Variants in IL1RAP observed in about 807,000 individuals in gnomAD.
IL1RAP encodes interleukin 1 receptor accessory protein, also known as interleukin-1 receptor accessory protein.
IL1RAP carries 35 observed loss-of-function variants against 60.7 expected under a neutral mutation model. That is an observed-to-expected ratio of 0.58 (90% CI 0.44 to 0.76). IL1RAP has a LOEUF of 0.76. Ranked by LOEUF, IL1RAP falls within the 30% of genes least tolerant of loss-of-function variation. The probability of loss-of-function intolerance (pLI) is 0.00; values close to 1 mark genes in which losing one functional copy is unlikely to be tolerated. For synonymous variants in IL1RAP, 268 were observed against 250.9 expected (o/e 1.07, Z -0.64); for missense variants, 572 against 693.9 (o/e 0.82, Z 1.97).
At chr3:190,583,458 G>A (rs1348518280) in intron 3 of IL1RAP, among the ~76,000 whole-genome samples, 1 of 152,202 alleles carries the variant, frequency 6.6e-6, no homozygotes, top group East Asian at 1.9e-4. Context: ...TTTTTACTGT[G>A]AGTGCAAACA....
At chr3:190,600,716 GA>G (rs1278540041) in intron 3 of IL1RAP, among the ~76,000 whole-genome samples, 2 of 152,186 alleles carry the variant, frequency 1.3e-5, no homozygotes, top group Non-Finnish European at 2.9e-5. Context: ...CAGAGGTGTG[GA>G]AATGTACAAT....
At chr3:190,647,209 G>A (rs1222440061) in intron 11 of IL1RAP, among the ~76,000 whole-genome samples, 1 of 152,060 alleles carries the variant, frequency 6.6e-6, no homozygotes, top group Non-Finnish European at 1.5e-5. Context: ...CCACTGCTTG[G>A]AACACACAAT....
At chr3:190,563,399 T>C (rs1354593564) in intron 2 of IL1RAP, 9 of 152,194 alleles carry the variant, frequency 5.9e-5, no homozygotes, top group Non-Finnish European at 2.9e-5. Context: ...TTCTGCATCA[T>C]CTTCAGGTTT....
rs544056204 is a variant in IL1RAP, at chr3:190,648,953, G to T, written c.*248G>T. 1.1e-5 allele frequency: 13 copies of T among 1,229,974 alleles called. No homozygotes were observed. In the Admixed American group the frequency reaches 3.2e-4, roughly 30 times the overall value. 76.2% of individuals were successfully genotyped at this position (1,229,974 alleles called of 1,614,324 possible). A position where few individuals can be genotyped will look rare whatever the true frequency, so the allele number is the denominator to read the frequency against. On this transcript the variant is annotated 3_prime_UTR_variant, in exon 12 of 12. Coordinates refer to ENST00000447382, the MANE Select transcript of IL1RAP (RefSeq NM_002182.4). The stretch of plus-strand genomic sequence containing the variant: ...CTATGTTCTTTGCAGGCAAAGACTT[G>T]TTCAATGCGAATTTCCCCTTCTACA...
At chr3:190,638,625 A>G (rs1008499371) in intron 9 of IL1RAP, among the ~76,000 whole-genome samples, 1 of 152,072 alleles carries the variant, frequency 6.6e-6, no homozygotes, top group Non-Finnish European at 1.5e-5. Context: ...GATGTAATTT[A>G]TTAACTTCTT....
intron 3 of IL1RAP, among the ~76,000 whole-genome samples, chr3:190,581,098 C>CT (rs1161172868): frequency 6.6e-6 from 1 of 152,076 alleles, no homozygotes; most frequent in Non-Finnish European, 1.5e-5. Flanking sequence ...CGAGTGTTTC[C>CT]TTTTTTGTTA....
Position 190,650,096 on chromosome 3 carries a change from G to C in IL1RAP, c.*1391G>C. On this transcript the variant is annotated 3_prime_UTR_variant, in exon 12 of 12. Transcript: ENST00000447382. ...ATATATAATTTGTGTGTGTGTATGT[G>C]TATGTATATGACTTTAAATAGCTAT... 1 of 875,192 alleles carries C rather than the reference G, an allele frequency of 1.1e-6. No homozygotes were observed. Among genetic ancestry groups the C allele is most frequent in the Non-Finnish European group, 1.4e-6 (1 of 730,448 alleles). The allele number at this position is 875,192 out of a possible 1,614,324, so 54.2% of individuals were successfully genotyped here.
chr3:190,603,980 G>T, intron 3 of IL1RAP, 148 bp from the exon 4 acceptor site: 1 of 699,796 alleles, frequency 1.4e-6, no homozygotes, highest in Non-Finnish European at 2.4e-6. Flanking sequence ...GGTGCCTACT[G>T]TATGCAATTA....
chr3:190,533,432 T>A (rs1723158859), intron 1 of IL1RAP, among the ~76,000 whole-genome samples: 1 of 152,238 alleles, frequency 6.6e-6, no homozygotes, highest in Non-Finnish European at 1.5e-5. Context: ...AGAAACTTTA[T>A]ATTGGGAATA....
intron 3 of IL1RAP, among the ~76,000 whole-genome samples, chr3:190,577,163 C>A (rs1727561843): frequency 6.7e-6 from 1 of 148,932 alleles, no homozygotes; most frequent in African/African-American, 2.5e-5. Context: ...TATAAATATT[C>A]ATGATAAAGG....
chr3:190,593,024 A>G (rs1000170560), intron 3 of IL1RAP, among the ~76,000 whole-genome samples: 15 of 152,218 alleles, frequency 9.9e-5, no homozygotes, highest in Admixed American at 9.8e-4. Flanking sequence ...TTCTAGGAGC[A>G]AACTCTAATG....
intron 1 of IL1RAP, among the ~76,000 whole-genome samples, chr3:190,554,058 C>A (rs1257634046): frequency 4.3e-5 from 2 of 46,204 alleles, no homozygotes; most frequent in African/African-American, 7.7e-5. Flanking sequence ...GAGACTCCGT[C>A]TCAAAAAAAA....
At chr3:190,525,745 A>G (rs553968295) in intron 1 of IL1RAP, among the ~76,000 whole-genome samples, 1 of 152,368 alleles carries the variant, frequency 6.6e-6, no homozygotes, top group East Asian at 1.9e-4. Context: ...GAAAACCTAT[A>G]TATTCTAGAT....
At chr3:190,520,523 CT>C (rs1254407481) in intron 1 of IL1RAP, 2 of 152,124 alleles carry the variant, frequency 1.3e-5, no homozygotes, top group African/African-American at 4.8e-5. Flanking sequence ...AAGGATGATG[CT>C]GAAGTGCCCG....
At position 190,656,522 on chromosome 3, in the gene IL1RAP, TG is replaced by T. The variant is rs1483188923; in HGVS notation, c.1981del (p.Glu661AsnfsTer68). The T allele has an allele frequency of 6.5e-7, 1 of 1,537,336 alleles. No individual in the cohort carries two copies. The highest frequency in any genetic ancestry group is 2.0e-5 in the Admixed American group (1 of 50,996). ...CAATGGATACAAAATGGCACCAGAT[TG>T]GAACCCCCTGCTCCCCAGATCTCAG... On this transcript the variant is annotated frameshift_variant, in exon 12 of 12. Transcript: ENST00000317757. LOFTEE classifies it high-confidence loss of function.
At chr3:190,576,127 T>A (rs1171304800) in intron 3 of IL1RAP, among the ~76,000 whole-genome samples, 1 of 152,190 alleles carries the variant, frequency 6.6e-6, no homozygotes, top group Non-Finnish European at 1.5e-5. Context: ...TTGAATTAAA[T>A]ATTTAAATGT....
At chr3:190,633,101 A>G (rs1732925491) in intron 9 of IL1RAP, among the ~76,000 whole-genome samples, 1 of 152,058 alleles carries the variant, frequency 6.6e-6, no homozygotes. Flanking sequence ...CGTATAGATC[A>G]TAGTATCAGT....
intron 3 of IL1RAP, among the ~76,000 whole-genome samples, chr3:190,576,888 C>A (rs1470312237): frequency 1.3e-5 from 2 of 151,402 alleles, no homozygotes; most frequent in East Asian, 3.9e-4. Flanking sequence ...CTGAGGTGGG[C>A]GGATCACGAG....
Position 190,542,687 on chromosome 3 carries a change from C to T in IL1RAP, c.-88-13443C>T, listed in dbSNP as rs16865582. Among the ~76,000 whole-genome samples the T allele has an allele frequency of 7.6e-3, 1,156 of 152,124 alleles. 12 individuals are homozygous for T. Among genetic ancestry groups the T allele is most frequent in the African/African-American group, 0.027 (1,110 of 41,480 alleles). ...CTGATTGTATCTTCTTCTCCTTACC[C>T]AAATTATGCTTCCAGTTTAAAAACT... On this transcript the variant is annotated intron_variant, in intron 1 of 11. Transcript: ENST00000447382.
Sources: allele counts gnomAD v4.1 joint callset (sites outside exome capture counted in the v4.1 genomes callset), GRCh38; gene constraint gnomAD v4.1.1; transcripts MANE v1.5; gene names NCBI Gene and HGNC (gene_info 2026-07-23, HGNC 2026-07-21).